Variants in PPARGC1A observed in about 807,000 individuals in gnomAD.
PPARGC1A encodes peroxisome proliferator-activated receptor gamma coactivator 1-alpha.
In PPARGC1A, 25 loss-of-function variants were observed where a neutral mutation model predicts 88.7. That is an observed-to-expected ratio of 0.28 (90% CI 0.21 to 0.39). PPARGC1A has a LOEUF of 0.39. Among genes scored for constraint, PPARGC1A ranks in the 10% least tolerant of loss-of-function variants. The pLI is 1.00. For synonymous variants in PPARGC1A, 363 were observed against 355.6 expected (o/e 1.02, Z -0.24); for missense variants, 880 against 968.7 (o/e 0.91, Z 1.22).
chr4:24,239,473 C>A, the PPARGC1A span, among the ~76,000 whole-genome samples: 15 of 152,176 alleles, frequency 9.9e-5, no homozygotes, highest in Non-Finnish European at 7.3e-5. Flanking sequence ...TAGCTTCCTG[C>A]GTGATCTTGT....
chr4:23,823,615 T>A (rs1179396847), intron 7 of PPARGC1A, among the ~76,000 whole-genome samples: 1 of 152,104 alleles, frequency 6.6e-6, no homozygotes, highest in East Asian at 1.9e-4. Context: ...AATAGTGTTA[T>A]GTATTTAAGA....
At chr4:24,380,496 T>A in the PPARGC1A span, among the ~76,000 whole-genome samples, 42 of 152,240 alleles carry the variant, frequency 2.8e-4, no homozygotes, top group African/African-American at 1.0e-3. Context: ...TTTTGGATGA[T>A]GTGTAGATGA....
intron 2 of PPARGC1A, among the ~76,000 whole-genome samples, chr4:23,847,734 T>G (rs1034128131): frequency 1.3e-5 from 2 of 152,156 alleles, no homozygotes; most frequent in African/African-American, 4.8e-5. Flanking sequence ...ATCAAGACAG[T>G]TGTCAAATAG....
chr4:24,389,569 T>G, the PPARGC1A span, among the ~76,000 whole-genome samples: 1 of 152,188 alleles, frequency 6.6e-6, no homozygotes, highest in African/African-American at 2.4e-5. Context: ...TGGATCATAA[T>G]AAGCACATAG....
At chr4:23,906,755 A>C (rs1312281588), upstream of PPARGC1A, among the ~76,000 whole-genome samples, 1 of 152,180 alleles carries the variant, frequency 6.6e-6, no homozygotes, top group Non-Finnish European at 1.5e-5. Flanking sequence ...ATCAACGTCC[A>C]ACAGATATTT....
chr4:23,903,162 A>G (rs1322357357), upstream of PPARGC1A, among the ~76,000 whole-genome samples: 1 of 152,166 alleles, frequency 6.6e-6, no homozygotes, highest in Non-Finnish European at 1.5e-5. Flanking sequence ...AGCCCATCCT[A>G]TTTACTCTAT....
chr4:24,259,534 G>T, the PPARGC1A span, among the ~76,000 whole-genome samples: 1 of 152,032 alleles, frequency 6.6e-6, no homozygotes, highest in Admixed American at 6.6e-5. Flanking sequence ...ATAATACAGC[G>T]ATATCATATT....
chr4:24,256,430 C>T, the PPARGC1A span, among the ~76,000 whole-genome samples: 1 of 152,170 alleles, frequency 6.6e-6, no homozygotes, highest in South Asian at 2.1e-4. Context: ...AAATTCTCTT[C>T]AGCCCAATGA....
the PPARGC1A span, among the ~76,000 whole-genome samples, chr4:24,199,463 T>C: frequency 6.6e-6 from 1 of 152,064 alleles, no homozygotes; most frequent in Non-Finnish European, 1.5e-5. Context: ...CAAATGACCC[T>C]GGGGAATCAG....
the PPARGC1A span, among the ~76,000 whole-genome samples, chr4:24,292,432 G>A: frequency 1.3e-5 from 2 of 151,730 alleles, no homozygotes; most frequent in South Asian, 4.1e-4. Context: ...TCCTGGAGAA[G>A]CATCAGGAAG....
At chr4:24,005,924 C>T in the PPARGC1A span, among the ~76,000 whole-genome samples, 4 of 152,226 alleles carry the variant, frequency 2.6e-5, no homozygotes, top group African/African-American at 4.8e-5. Context: ...ATGCACTGAG[C>T]CTCATGGGGT....
At chr4:24,182,025 C>T in the PPARGC1A span, among the ~76,000 whole-genome samples, 2 of 152,210 alleles carry the variant, frequency 1.3e-5, no homozygotes, top group Admixed American at 1.3e-4. Context: ...GATACATGTG[C>T]AGAACGTGCA....
chr4:24,179,688 C>T, the PPARGC1A span, among the ~76,000 whole-genome samples: 1 of 152,158 alleles, frequency 6.6e-6, no homozygotes, highest in Non-Finnish European at 1.5e-5. Context: ...TGCAAAACCA[C>T]AGAATCATGA....
the PPARGC1A span, among the ~76,000 whole-genome samples, chr4:24,383,187 G>A: frequency 6.6e-6 from 1 of 152,142 alleles, no homozygotes; most frequent in African/African-American, 2.4e-5. Flanking sequence ...AACATCAACA[G>A]AAAGAACATC....
chr4:24,191,774 G>A, the PPARGC1A span, among the ~76,000 whole-genome samples: 121 of 152,324 alleles, frequency 7.9e-4, 1 homozygote, highest in African/African-American at 2.6e-3. Flanking sequence ...AAAAATCACA[G>A]CCCATCATGA....
At chr4:23,962,931 C>T in the PPARGC1A span, among the ~76,000 whole-genome samples, 17 of 152,170 alleles carry the variant, frequency 1.1e-4, 1 homozygote, top group Admixed American at 8.5e-4. Context: ...GAAGAACACT[C>T]GCCACCTTTT....
At chr4:24,116,171 T>G in the PPARGC1A span, among the ~76,000 whole-genome samples, 1 of 152,200 alleles carries the variant, frequency 6.6e-6, no homozygotes, top group Non-Finnish European at 1.5e-5. Flanking sequence ...ATACGATTTT[T>G]GTTTATTTTA....
At chr4:23,930,810 A>C in the PPARGC1A span, among the ~76,000 whole-genome samples, 4 of 152,334 alleles carry the variant, frequency 2.6e-5, no homozygotes, top group East Asian at 7.7e-4. Flanking sequence ...AATAATTGTC[A>C]CATGTCCCCT....
chr4:23,980,999 T>C, the PPARGC1A span, among the ~76,000 whole-genome samples: 1 of 152,110 alleles, frequency 6.6e-6, no homozygotes, highest in African/African-American at 2.4e-5. Flanking sequence ...TAAGACCTTC[T>C]TCAAGTTTTC....
Sources: gnomAD v4.1 joint callset for allele counts (sites outside exome capture counted in the v4.1 genomes callset) on GRCh38, gnomAD v4.1.1 for gene constraint, MANE v1.5 for transcripts, NCBI Gene and HGNC (gene_info 2026-07-23, HGNC 2026-07-21) for gene names.